Variants in DOCK3 observed in about 807,000 individuals in gnomAD.
DOCK3 encodes the protein dedicator of cytokinesis protein 3.
Under a neutral mutation model 265.6 loss-of-function variants are expected in DOCK3, and 60 were observed. The ratio of observed to expected loss-of-function variants is 0.23; its 90% confidence interval spans 0.18 to 0.28. DOCK3 has a LOEUF of 0.28. Ranked by LOEUF, DOCK3 falls within the 10% of genes least tolerant of loss-of-function variation. DOCK3 has a pLI of 1.00. For missense variants in DOCK3, 1,981 were observed against 2,594.3 expected, an observed-to-expected ratio of 0.76 and a Z score of 5.14; for synonymous variants, 881 against 938.0, an observed-to-expected ratio of 0.94 and a Z score of 1.11.
chr3:50,794,858 G>A (rs2042683176), intron 2 of DOCK3, among the ~76,000 whole-genome samples: 1 of 152,116 alleles, frequency 6.6e-6, no homozygotes. Flanking sequence ...TGTTTGTGGT[G>A]GCTGGTAGTG....
intron 26 of DOCK3, chr3:51,278,252 G>A (rs184904046): frequency 2.0e-6 from 2 of 985,288 alleles, no homozygotes. Context: ...AATTTCACTG[G>A]CATTAGTGAA....
At chr3:51,356,586 C>A in intron 43 of DOCK3, 93 bp downstream of exon 43, 1 of 1,302,388 alleles carries the variant, frequency 7.7e-7, no homozygotes, top group East Asian at 2.3e-5. Context: ...AAAAAGAGAG[C>A]GTCGGCCACC....
At chr3:51,094,115 T>C (rs1207585305) in intron 9 of DOCK3, among the ~76,000 whole-genome samples, 1 of 152,218 alleles carries the variant, frequency 6.6e-6, no homozygotes, top group East Asian at 1.9e-4. Flanking sequence ...ATCAGGGATA[T>C]TGGCCCGAAA....
intron 5 of DOCK3, among the ~76,000 whole-genome samples, chr3:51,029,138 T>C (rs1235613753): frequency 1.3e-5 from 2 of 152,212 alleles, no homozygotes; most frequent in African/African-American, 4.8e-5. Context: ...TATATGATCA[T>C]TTCTCTTCAT....
intron 3 of DOCK3, among the ~76,000 whole-genome samples, chr3:50,883,338 TA>T (rs896473469): frequency 1.3e-4 from 19 of 151,496 alleles, no homozygotes; most frequent in South Asian, 4.2e-4. Context: ...TTTTTCTTTA[TA>T]AAAAAAAATG....
chr3:50,692,623 A>G (rs977675214), intron 1 of DOCK3, among the ~76,000 whole-genome samples: 1 of 152,082 alleles, frequency 6.6e-6, no homozygotes, highest in Non-Finnish European at 1.5e-5. Flanking sequence ...TATATTCTGG[A>G]TATTAATTTC....
At chr3:50,719,826 G>A (rs2037361654) in intron 1 of DOCK3, 1 of 763,606 alleles carries the variant, frequency 1.3e-6, no homozygotes, top group East Asian at 2.5e-5. Flanking sequence ...GTGAAAGCAG[G>A]AACACTTATA....
At chr3:50,901,444 TG>T (rs1368719907) in intron 4 of DOCK3, among the ~76,000 whole-genome samples, 4 of 148,920 alleles carry the variant, frequency 2.7e-5, no homozygotes, top group African/African-American at 1.0e-4. Flanking sequence ...CTAGACCACT[TG>T]GCTCTCTGGC....
chr3:50,690,612 C>T (rs889767494), intron 1 of DOCK3, among the ~76,000 whole-genome samples: 3 of 152,018 alleles, frequency 2.0e-5, no homozygotes, highest in African/African-American at 7.3e-5. Flanking sequence ...TACATTCATT[C>T]ATTCGTTCGT....
chr3:51,004,461 G>A (rs1056044965), intron 5 of DOCK3, among the ~76,000 whole-genome samples: 1 of 152,126 alleles, frequency 6.6e-6, no homozygotes, highest in Admixed American at 6.6e-5. Context: ...GCTCTAAGTT[G>A]TAGGGTAATT....
chr3:51,337,816 C>T (rs767466204), intron 35 of DOCK3, among the ~76,000 whole-genome samples: 2 of 152,194 alleles, frequency 1.3e-5, no homozygotes, highest in East Asian at 3.8e-4. Context: ...CTGGCTGATG[C>T]TTTAAGCACG....
At chr3:51,097,754 G>A (rs1015479805) in intron 9 of DOCK3, among the ~76,000 whole-genome samples, 3 of 152,294 alleles carry the variant, frequency 2.0e-5, no homozygotes, top group Non-Finnish European at 2.9e-5. Flanking sequence ...GGCACCTGAG[G>A]GAATCTCCTG....
intron 9 of DOCK3, among the ~76,000 whole-genome samples, chr3:51,120,538 G>A (rs138469567): frequency 2.6e-5 from 4 of 152,182 alleles, no homozygotes; most frequent in Non-Finnish European, 4.4e-5. Flanking sequence ...AGGCAGAAAC[G>A]TTTATGTCTG....
At chr3:51,061,226 G>A (rs1293411531) in intron 5 of DOCK3, among the ~76,000 whole-genome samples, 1 of 152,096 alleles carries the variant, frequency 6.6e-6, no homozygotes, top group African/African-American at 2.4e-5. Flanking sequence ...ATACCCAAAG[G>A]ATTATAAATC....
intron 38 of DOCK3, among the ~76,000 whole-genome samples, chr3:51,342,745 T>G (rs1028289452): frequency 6.6e-6 from 1 of 152,212 alleles, no homozygotes; most frequent in African/African-American, 2.4e-5. Flanking sequence ...GATTAAATTT[T>G]AACATGGACT....
At chr3:51,332,873 C>T (rs750227339) in intron 33 of DOCK3, 128 bp from the exon 34 acceptor site, 32 of 1,226,482 alleles carry the variant, frequency 2.6e-5, no homozygotes, top group African/African-American at 7.5e-5. Flanking sequence ...TGGCTGGAGC[C>T]GAACCCCTCC....
chr3:50,878,364 A>G (rs942378930), intron 3 of DOCK3, among the ~76,000 whole-genome samples: 2 of 152,216 alleles, frequency 1.3e-5, no homozygotes, highest in East Asian at 3.9e-4. Flanking sequence ...CCCATTGCAA[A>G]GAAGCTAAAA....
intron 27 of DOCK3, among the ~76,000 whole-genome samples, chr3:51,295,426 C>T (rs896414407): frequency 1.5e-4 from 23 of 152,156 alleles, no homozygotes; most frequent in African/African-American, 5.6e-4. Flanking sequence ...TTCATGGATC[C>T]ACCCCTATGG....
At chr3:50,921,153 G>A (rs1575535211) in intron 4 of DOCK3, among the ~76,000 whole-genome samples, 1 of 152,146 alleles carries the variant, frequency 6.6e-6, no homozygotes, top group South Asian at 2.1e-4. Context: ...TTTGCCTGAG[G>A]AGTGCTTTAC....
Sources: allele counts gnomAD v4.1 joint callset (sites outside exome capture counted in the v4.1 genomes callset), GRCh38; gene constraint gnomAD v4.1.1; transcripts MANE v1.5; gene names NCBI Gene and HGNC (gene_info 2026-07-23, HGNC 2026-07-21).